RBFOX1: variants seen among roughly 807,000 people sequenced by gnomAD.
RBFOX1 encodes RNA binding fox-1 homolog 1.
A neutral mutation model predicts 57.7 loss-of-function variants in RBFOX1; 8 were observed. The observed-to-expected ratio is 0.14, with a 90% CI of 0.08 to 0.25. RBFOX1 has a LOEUF of 0.25. RBFOX1 is among the 10% of genes least tolerant of loss of function. The pLI, the probability that RBFOX1 is intolerant of heterozygous loss-of-function variation, is 1.00. For synonymous variants in RBFOX1, 326 were observed against 222.4 expected (o/e 1.47, Z -4.15); for missense variants, 611 against 548.5 (o/e 1.11, Z -1.14).
intron 1 of RBFOX1, among the ~76,000 whole-genome samples, chr16:6,243,284 T>G (rs1470110127): frequency 6.6e-6 from 1 of 152,198 alleles, no homozygotes; most frequent in Non-Finnish European, 1.5e-5. Context: ...GAAGAGATTT[T>G]GTTCTTTGTA....
At chr16:7,271,446 C>T (rs762058643) in intron 4 of RBFOX1, among the ~76,000 whole-genome samples, 1 of 151,610 alleles carries the variant, frequency 6.6e-6, no homozygotes, top group African/African-American at 2.4e-5. Flanking sequence ...CCTTGGTGAC[C>T]CAGGACCACT....
At chr16:6,578,853 T>G (rs1470622640) in intron 2 of RBFOX1, among the ~76,000 whole-genome samples, 1 of 151,996 alleles carries the variant, frequency 6.6e-6, no homozygotes, top group Non-Finnish European at 1.5e-5. Context: ...GCTCGAGGCA[T>G]AAGAATGATA....
chr16:6,983,417 A>G (rs1290617183), intron 3 of RBFOX1, among the ~76,000 whole-genome samples: 2 of 148,776 alleles, frequency 1.3e-5, no homozygotes, highest in African/African-American at 2.5e-5. Context: ...ATAATTATCT[A>G]TTTGCTGCTT....
At chr16:5,965,693 C>T (rs1197214261) in intron 4 of RBFOX1, among the ~76,000 whole-genome samples, 2 of 152,172 alleles carry the variant, frequency 1.3e-5, no homozygotes, top group African/African-American at 2.4e-5. Flanking sequence ...CTAAACCCTG[C>T]CTCATCTCTG....
intron 3 of RBFOX1, among the ~76,000 whole-genome samples, chr16:6,995,125 C>T (rs1301743207): frequency 6.6e-6 from 1 of 152,032 alleles, no homozygotes; most frequent in Non-Finnish European, 1.5e-5. Context: ...TATCTGTCAC[C>T]TGTAATTTAG....
At chr16:6,532,675 C>T (rs1014056375) in intron 2 of RBFOX1, among the ~76,000 whole-genome samples, 1 of 152,168 alleles carries the variant, frequency 6.6e-6, no homozygotes, top group Non-Finnish European at 1.5e-5. Flanking sequence ...CTGGACTGTG[C>T]ACTTTTCTGC....
intron 3 of RBFOX1, among the ~76,000 whole-genome samples, chr16:6,875,240 G>A (rs564537071): frequency 2.6e-5 from 4 of 152,218 alleles, no homozygotes; most frequent in South Asian, 2.1e-4. Context: ...TTGTAATTCA[G>A]GAAATTTCAG....
At chr16:5,601,645 C>G (rs998190710), downstream of RBFOX1, 10 of 152,182 alleles carry the variant, frequency 6.6e-5, no homozygotes, top group African/African-American at 2.2e-4. Context: ...ACCCAGGATG[C>G]TTGTAATGTC....
intron 3 of RBFOX1, among the ~76,000 whole-genome samples, chr16:6,974,336 C>CTTTTTTTTTTTTTTTT (rs59299498): frequency 1.2e-4 from 7 of 58,682 alleles, no homozygotes; most frequent in Non-Finnish European, 1.5e-4. Context: ...TTTTCTTTTT[C>CTTTTTTTTTTTTTTTT]TTTTTTTTTT....
Position 6,458,374 on chromosome 16 carries a change from C to T in RBFOX1, c.-64+141317C>T, listed in dbSNP as rs1171908205. ...AAGACACTTAATGCCTCTAAGGCTT[C>T]ATTTCTCCATCTATTAATGAAGATA... On this transcript the variant is annotated intron_variant, in intron 2 of 15. Coordinates refer to ENST00000550418, the MANE Select transcript of RBFOX1 (RefSeq NM_018723.4). Among the ~76,000 whole-genome samples, 3 of 152,184 alleles carry T rather than the reference C, an allele frequency of 2.0e-5. No individual in the cohort carries two copies. The East Asian group carries it at 5.8e-4, about 29-fold the overall frequency.
intron 4 of RBFOX1, among the ~76,000 whole-genome samples, chr16:7,142,377 G>C (rs904204224): frequency 1.3e-5 from 2 of 152,044 alleles, no homozygotes; most frequent in African/African-American, 2.4e-5. Context: ...CCCGTGAAAT[G>C]AGGTCCATGT....
intron 2 of RBFOX1, among the ~76,000 whole-genome samples, chr16:5,520,164 A>G (rs534117323): frequency 3.9e-5 from 6 of 152,286 alleles, no homozygotes; most frequent in African/African-American, 1.2e-4. Context: ...GGAAGAGGCT[A>G]TTGTGGCTGG....
intron 2 of RBFOX1, among the ~76,000 whole-genome samples, chr16:6,525,371 A>C (rs2153809368): frequency 6.6e-6 from 1 of 152,282 alleles, no homozygotes; most frequent in East Asian, 1.9e-4. Flanking sequence ...ACTTCTCCTG[A>C]GCAAGAGCGT....
chr16:6,178,599 G>T (rs2097033955), intron 1 of RBFOX1, among the ~76,000 whole-genome samples: 1 of 152,150 alleles, frequency 6.6e-6, no homozygotes, highest in African/African-American at 2.4e-5. Flanking sequence ...CCATATAAAA[G>T]AAGGAATGTG....
Position 7,707,272 on chromosome 16 carries a change from C to T in RBFOX1, c.996-1784C>T, listed in dbSNP as rs1364707252. Among the ~76,000 whole-genome samples, 3 of 152,132 alleles carry T rather than the reference C, an allele frequency of 2.0e-5. No homozygotes were observed. In the East Asian group the frequency reaches 5.8e-4, roughly 29 times the overall value. ...TTCCACCTAGGGTCTAACTTGGAGT[C>T]TGAGAAGGTCCATCATCACGCTTTC... On this transcript the variant is annotated intron_variant, in intron 14 of 15. Transcript: ENST00000550418.
intron 4 of RBFOX1, among the ~76,000 whole-genome samples, chr16:5,918,991 G>A (rs939895341): frequency 6.6e-6 from 1 of 152,214 alleles, no homozygotes; most frequent in Non-Finnish European, 1.5e-5. Flanking sequence ...GCGCAGTGGA[G>A]CCTGGGGCTG....
intron 1 of RBFOX1, among the ~76,000 whole-genome samples, chr16:6,161,342 T>C (rs13336724): frequency 0.05 from 7,539 of 151,060 alleles, 674 homozygotes; most frequent in African/African-American, 0.18. Context: ...TGAGCGAAGA[T>C]TGTGCCACTG....
chr16:7,334,215 A>G (rs1466961538), intron 4 of RBFOX1, among the ~76,000 whole-genome samples: 1 of 152,042 alleles, frequency 6.6e-6, no homozygotes, highest in Non-Finnish European at 1.5e-5. Context: ...ACAACAAAAC[A>G]TTCTCTCTTT....
chr16:7,388,854 A>G (rs1181669139), intron 4 of RBFOX1, among the ~76,000 whole-genome samples: 2 of 152,118 alleles, frequency 1.3e-5, no homozygotes, highest in African/African-American at 4.8e-5. Flanking sequence ...GATGTTCAGT[A>G]GGTTAGGTGT....
Sources: allele counts gnomAD v4.1 joint callset (sites outside exome capture counted in the v4.1 genomes callset), GRCh38; gene constraint gnomAD v4.1.1; transcripts MANE v1.5; gene names NCBI Gene and HGNC (gene_info 2026-07-23, HGNC 2026-07-21).